Variants in MARK4 observed in about 807,000 individuals in gnomAD.
MARK4 encodes microtubule affinity regulating kinase 4.
In MARK4, 19 loss-of-function variants were observed where a neutral mutation model predicts 81.5. The observed-to-expected ratio is 0.23, with a 90% CI of 0.16 to 0.34. The LOEUF (loss-of-function observed/expected upper bound fraction) is 0.34, where lower values mean the gene tolerates loss of function less well. Among genes scored for constraint, MARK4 ranks in the 10% least tolerant of loss-of-function variants. The pLI, the probability that MARK4 is intolerant of heterozygous loss-of-function variation, is 1.00. For missense variants in MARK4, 772 were observed against 1,058.8 expected, an observed-to-expected ratio of 0.73 and a Z score of 3.76; for synonymous variants, 436 against 439.0, an observed-to-expected ratio of 0.99 and a Z score of 0.08.
chr19:45,278,257 G>T (rs1205922930), intron 9 of MARK4, among the ~76,000 whole-genome samples: 1 of 152,088 alleles, frequency 6.6e-6, no homozygotes, highest in African/African-American at 2.4e-5. Context: ...CCCACTCCCT[G>T]CCTTGCCAGT....
At chr19:45,272,606 T>C (rs117700812) in intron 8 of MARK4, among the ~76,000 whole-genome samples, 3 of 152,048 alleles carry the variant, frequency 2.0e-5, no homozygotes, top group Non-Finnish European at 4.4e-5. Flanking sequence ...TTCAATGTAG[T>C]GGCCGGCCTG....
intron 1 of MARK4, among the ~76,000 whole-genome samples, chr19:45,253,104 C>T (rs990202176): frequency 1.3e-5 from 2 of 152,130 alleles, no homozygotes; most frequent in Non-Finnish European, 2.9e-5. Flanking sequence ...TTCTCCCCAC[C>T]TGGGATCTTT....
intron 10 of MARK4, among the ~76,000 whole-genome samples, chr19:45,279,333 A>G (rs1245127823): frequency 6.6e-6 from 1 of 152,202 alleles, no homozygotes; most frequent in Non-Finnish European, 1.5e-5. Context: ...CCTGGCCAAC[A>G]TGATGAAACC....
At chr19:45,283,454 T>C (rs1235311860) in intron 12 of MARK4, among the ~76,000 whole-genome samples, 1 of 150,186 alleles carries the variant, frequency 6.7e-6, no homozygotes, top group Non-Finnish European at 1.5e-5. Flanking sequence ...CCAATCCCCC[T>C]TCCACCCTCA....
At position 45,299,835 on chromosome 19, in the gene MARK4, C is replaced by T. The variant is rs748758294; in HGVS notation, c.1902C>T (p.Ile634=). The T allele has an allele frequency of 3.7e-6, 6 of 1,605,522 alleles. No homozygotes were observed. The Admixed American group carries it at 6.7e-5, about 18-fold the overall frequency. ...TRRVADEPER[I]GGPEVTSCHL... ...GGGTCGCAGACGAACCTGAGAGAAT[C>T]GGGGGACCTGAGGTCACAAGGTGAG... The change falls in exon 16 of 17, where the codon ATC becomes ATT. Residue 634 remains isoleucine, a synonymous_variant. Transcript: ENST00000262891.
In MARK4 at chr19:45,251,698, C is replaced by T; in HGVS notation, c.51+59C>T. The T allele has an allele frequency of 3.5e-6, 5 of 1,411,072 alleles. No homozygotes were observed. In the East Asian group the frequency reaches 8.8e-5, roughly 25 times the overall value. 87.4% of individuals were successfully genotyped at this position (1,411,072 alleles called of 1,614,324 possible). Reference sequence around the variant, plus strand: ...CTGGGTCCAGCCGCCAAACCCTTCTCCCCGTTGTACCCCTCGCCCCGCGAG... The same window carrying T: ...CTGGGTCCAGCCGCCAAACCCTTCTTCCCGTTGTACCCCTCGCCCCGCGAG... On this transcript the variant is annotated intron_variant, in intron 1 of 16. Coordinates refer to ENST00000262891, the MANE Select transcript of MARK4 (RefSeq NM_001199867.2).
chr19:45,262,798 T>A (rs781117235), intron 2 of MARK4, among the ~76,000 whole-genome samples: 56 of 152,308 alleles, frequency 3.7e-4, no homozygotes, highest in Non-Finnish European at 6.6e-4. Flanking sequence ...CAGGGTGATC[T>A]GAGCTGGGCC....
At chr19:45,258,568 T>C (rs1342711920) in intron 1 of MARK4, among the ~76,000 whole-genome samples, 3 of 151,906 alleles carry the variant, frequency 2.0e-5, no homozygotes, top group African/African-American at 7.3e-5. Context: ...GGCATGATGG[T>C]GCACGCCTGT....
At chr19:45,272,268 A>G (rs1443639140) in intron 8 of MARK4, among the ~76,000 whole-genome samples, 4 of 152,156 alleles carry the variant, frequency 2.6e-5, no homozygotes, top group African/African-American at 9.7e-5. Context: ...GGAGATCAAG[A>G]CTGCAGTGAG....
At chr19:45,288,552 CA>C (rs60847753) in intron 13 of MARK4, 40,282 of 100,420 alleles carry the variant, frequency 0.4, 5,809 homozygotes, top group Middle Eastern at 0.48. Flanking sequence ...GACTCCATTT[CA>C]AAAAAAAAAA....
At chr19:45,300,975 A>C (rs978327842) in intron 16 of MARK4, among the ~76,000 whole-genome samples, 1 of 152,088 alleles carries the variant, frequency 6.6e-6, no homozygotes, top group African/African-American at 2.4e-5. Context: ...ATGCTCATGT[A>C]GAGCAGCACT....
At chr19:45,288,968 G>A (rs1489190969) in intron 13 of MARK4, among the ~76,000 whole-genome samples, 1 of 151,764 alleles carries the variant, frequency 6.6e-6, no homozygotes, top group African/African-American at 2.4e-5. Context: ...TTCAGTAGCC[G>A]CCCCACGTGG....
Position 45,302,592 on chromosome 19 carries a change from T to C in MARK4, c.2141T>C (p.Val714Ala). 6.4e-7 allele frequency: 1 copy of C among 1,571,694 alleles called. No individual in the cohort carries two copies. Among genetic ancestry groups the C allele is most frequent in the South Asian group, 1.1e-5 (1 of 89,058 alleles). ...GGPEPLSHFE[V>A]EVCQLPRPGL... ...CCCGAGCCCCTGTCCCACTTCGAAG[T>C]GGAGGTCTGCCAGCTGCCCCGGCCA... is the stretch of plus-strand genomic sequence containing the variant. Residue 714 changes from valine (V) to alanine (A), a missense_variant, in exon 17 of 17, where the codon GTG (valine) becomes GCG (alanine). Transcript: ENST00000262891. This position sits in a 1 kb window ranked among gnomAD's most constrained non-coding sequence, Gnocchi z 4.9.
At position 45,271,770 on chromosome 19, in the gene MARK4, C is replaced by G. The variant is rs533018098; in HGVS notation, c.786+62C>G. ...TCCCCACAGTCAGGCCCCTATCCCC[C>G]CCACACCTCCCCTGCAGAGGGCCTC... On this transcript the variant is annotated intron_variant, in intron 8 of 16. Transcript: ENST00000262891. The surrounding 1 kb of genome is among the most constrained non-coding windows in gnomAD (Gnocchi z 4.1). 1.6e-5 allele frequency: 23 copies of G among 1,450,008 alleles called. No individual in the cohort carries two copies. In the Admixed American group the frequency reaches 2.3e-4, roughly 14 times the overall value. 89.8% of individuals were successfully genotyped at this position (1,450,008 alleles called of 1,614,324 possible). A position where few individuals can be genotyped will look rare whatever the true frequency, so the allele number is the denominator to read the frequency against.
Position 45,302,232 on chromosome 19 carries a change from A to G in MARK4, c.1923-142A>G. 1 of 1,530,792 alleles carries G rather than the reference A, an allele frequency of 6.5e-7. No individual in the cohort carries two copies. The highest frequency in any genetic ancestry group is 8.8e-7 in the Non-Finnish European group (1 of 1,139,230). The allele number at this position is 1,530,792 out of a possible 1,614,324, so 94.8% of individuals were successfully genotyped here. ...CTGGGCAGCTCTGTATCCAGTTGAA[A>G]CTGTCGCTGGGGTAACAGGGGAAGA... On this transcript the variant is annotated intron_variant, in intron 16 of 16. Coordinates refer to ENST00000262891, the MANE Select transcript of MARK4 (RefSeq NM_001199867.2). This position sits in a 1 kb window ranked among gnomAD's most constrained non-coding sequence, Gnocchi z 4.9.
chr19:45,297,431 T>C lies in MARK4; in HGVS notation c.1599-245T>C, dbSNP rs537669060. 1.2e-4 allele frequency among the ~76,000 whole-genome samples: 18 copies of C among 152,176 alleles called. No homozygotes were observed. The South Asian group carries it at 3.7e-3, about 32-fold the overall frequency. ...AGAGGAGAGTTGTGATAGGAGATGATTTGGAGCGGGTAGAGTTTGAAGAAG... is the reference window on the plus strand; with the variant it reads ...AGAGGAGAGTTGTGATAGGAGATGACTTGGAGCGGGTAGAGTTTGAAGAAG... On this transcript the variant is annotated intron_variant, in intron 14 of 16. Coordinates refer to ENST00000262891, the MANE Select transcript of MARK4 (RefSeq NM_001199867.2).
intron 7 of MARK4, among the ~76,000 whole-genome samples, chr19:45,266,826 G>A (rs1437788742): frequency 2.0e-5 from 3 of 149,754 alleles, no homozygotes; most frequent in South Asian, 2.1e-4. Context: ...TCCGCCTCCT[G>A]GGTTCACACC....
intron 13 of MARK4, among the ~76,000 whole-genome samples, chr19:45,288,849 CAAA>C (rs34269496): frequency 9.7e-6 from 1 of 103,010 alleles, no homozygotes; most frequent in African/African-American, 3.9e-5. Flanking sequence ...GACTCTGTCT[CAAA>C]AAAAAAAAAA....
chr19:45,266,554 G>C (rs1970456622), intron 7 of MARK4, among the ~76,000 whole-genome samples: 2 of 151,984 alleles, frequency 1.3e-5, no homozygotes, highest in South Asian at 4.2e-4. Flanking sequence ...GGCCCTGGAT[G>C]CTACAGGGCT....
Sources: allele counts gnomAD v4.1 joint callset (sites outside exome capture counted in the v4.1 genomes callset), GRCh38; gene constraint gnomAD v4.1.1; non-coding constraint Gnocchi (gnomAD v3.1); transcripts MANE v1.5; gene names NCBI Gene and HGNC (gene_info 2026-07-23, HGNC 2026-07-21).